Variants in CPED1 observed in about 807,000 individuals in gnomAD.
CPED1 encodes cadherin like and PC-esterase domain containing 1.
CPED1 carries 114 observed loss-of-function variants against 128.2 expected under a neutral mutation model. That is an observed-to-expected ratio of 0.89 (90% CI 0.76 to 1.04). The LOEUF (loss-of-function observed/expected upper bound fraction) is 1.04, where lower values mean the gene tolerates loss of function less well. CPED1 is among the 50% of genes least tolerant of loss of function. The pLI, the probability that CPED1 is intolerant of heterozygous loss-of-function variation, is 0.00. For missense variants in CPED1, 1,211 were observed against 1,207.1 expected (o/e 1.00, Z -0.05); for synonymous variants, 462 against 426.7 (o/e 1.08, Z -1.02).
chr7:121,125,560 G>A (rs1563035477), intron 8 of CPED1, among the ~76,000 whole-genome samples: 1 of 152,042 alleles, frequency 6.6e-6, no homozygotes, highest in African/African-American at 2.4e-5. Context: ...AACATGCAAC[G>A]TTTGGTTTTC....
intron 16 of CPED1, among the ~76,000 whole-genome samples, chr7:121,218,195 A>G (rs1014505374): frequency 3.4e-5 from 5 of 146,988 alleles, no homozygotes; most frequent in Admixed American, 1.4e-4. Context: ...GGGTTTTACC[A>G]TGTTGGCCAG....
intron 4 of CPED1, among the ~76,000 whole-genome samples, chr7:121,054,673 T>G (rs2721342): frequency 0.052 from 7,900 of 151,722 alleles, 408 homozygotes; most frequent in African/African-American, 0.12. Flanking sequence ...TGAGGTTTTT[T>G]TTTTTTAATT....
chr7:121,254,689 C>T (rs186108998), intron 18 of CPED1, among the ~76,000 whole-genome samples: 121 of 151,604 alleles, frequency 8.0e-4, no homozygotes, highest in East Asian at 3.9e-4. Flanking sequence ...AAAGAGAGAT[C>T]CAAATAAGTA....
chr7:121,247,278 C>G (rs989030425), intron 18 of CPED1, among the ~76,000 whole-genome samples: 2 of 152,116 alleles, frequency 1.3e-5, no homozygotes, highest in African/African-American at 2.4e-5. Flanking sequence ...AAGTAACAAA[C>G]AGTTAAGAGT....
At chr7:121,084,454 A>C (rs1794373596) in intron 5 of CPED1, among the ~76,000 whole-genome samples, 1 of 152,220 alleles carries the variant, frequency 6.6e-6, no homozygotes, top group African/African-American at 2.4e-5. Context: ...CATCTGTAGA[A>C]TCACCATGAA....
chr7:121,234,726 C>T (rs1360395702), intron 16 of CPED1, among the ~76,000 whole-genome samples: 1 of 151,646 alleles, frequency 6.6e-6, no homozygotes, highest in Non-Finnish European at 1.5e-5. Flanking sequence ...CTACCGTCAT[C>T]CAGATTTCCT....
chr7:121,223,451 T>C (rs772140286), intron 16 of CPED1, among the ~76,000 whole-genome samples: 5 of 152,218 alleles, frequency 3.3e-5, no homozygotes, highest in Admixed American at 6.5e-5. Flanking sequence ...GTCTTTGCTA[T>C]CAGGATGATG....
At chr7:121,133,796 C>G (rs776088721) in intron 12 of CPED1, 27 bp from the exon 13 acceptor site, 1 of 1,498,744 alleles carries the variant, frequency 6.7e-7, no homozygotes, top group Admixed American at 1.8e-5. Flanking sequence ...TTCATTAATC[C>G]AGAGTTGTTT....
Position 121,000,755 on chromosome 7 carries a change from G to A in CPED1, c.249+10885G>A, listed in dbSNP as rs191729598. On this transcript the variant is annotated intron_variant, in intron 2 of 22. Coordinates refer to ENST00000310396, the MANE Select transcript of CPED1 (RefSeq NM_024913.5). ...CAATCTCAAGCCTGTTAAGTATATT[G>A]AATAAGAAGCCTAGCAGATCATGGG... Among the ~76,000 whole-genome samples, 348 of 152,264 alleles carry A rather than the reference G, an allele frequency of 2.3e-3. 6 individuals are homozygous for A. Among genetic ancestry groups the A allele is most frequent in the Admixed American group, 0.023 (345 of 15,290 alleles).
chr7:121,007,939 T>C (rs984559149), intron 2 of CPED1, among the ~76,000 whole-genome samples: 8 of 151,492 alleles, frequency 5.3e-5, no homozygotes, highest in African/African-American at 1.9e-4. Context: ...ATCCCTCTTA[T>C]GGTTTAGTGA....
chr7:121,038,387 T>A (rs2116879866), intron 3 of CPED1, among the ~76,000 whole-genome samples: 1 of 152,244 alleles, frequency 6.6e-6, no homozygotes, highest in African/African-American at 2.4e-5. Flanking sequence ...TTTTAAAAAT[T>A]GGAATTTATT....
chr7:121,230,205 T>A (rs995151314), intron 16 of CPED1, among the ~76,000 whole-genome samples: 1 of 151,780 alleles, frequency 6.6e-6, no homozygotes, highest in Non-Finnish European at 1.5e-5. Context: ...TCCATTGAAA[T>A]CAAGAAAAAA....
intron 2 of CPED1, among the ~76,000 whole-genome samples, chr7:120,992,346 C>T (rs1437663877): frequency 6.6e-6 from 1 of 152,074 alleles, no homozygotes; most frequent in African/African-American, 2.4e-5. Flanking sequence ...CTTAAACCAG[C>T]TGATTTTGAC....
chr7:121,134,397 G>A (rs933858257), intron 13 of CPED1, among the ~76,000 whole-genome samples: 1 of 152,022 alleles, frequency 6.6e-6, no homozygotes, highest in African/African-American at 2.4e-5. Context: ...GAAGTAGAGA[G>A]GGTTTACCAG....
At chr7:121,100,995 ATTC>A (rs1406387524) in intron 7 of CPED1, among the ~76,000 whole-genome samples, 2 of 152,106 alleles carry the variant, frequency 1.3e-5, no homozygotes, top group Non-Finnish European at 2.9e-5. Context: ...AAGCTTACAT[ATTC>A]TTCTGTAAGT....
At chr7:121,033,342 T>C (rs1461392065) in intron 3 of CPED1, among the ~76,000 whole-genome samples, 1 of 152,188 alleles carries the variant, frequency 6.6e-6, no homozygotes, top group Non-Finnish European at 1.5e-5. Flanking sequence ...AAGCCTTAAA[T>C]AATAGGCTGG....
intron 3 of CPED1, among the ~76,000 whole-genome samples, chr7:121,029,986 T>C (rs1792689035): frequency 6.6e-6 from 1 of 152,216 alleles, no homozygotes; most frequent in Non-Finnish European, 1.5e-5. Flanking sequence ...CCTTGATGCA[T>C]AGTCTTCCTG....
intron 16 of CPED1, among the ~76,000 whole-genome samples, chr7:121,167,067 C>T (rs956595544): frequency 1.3e-4 from 20 of 152,224 alleles, no homozygotes; most frequent in Non-Finnish European, 2.6e-4. Flanking sequence ...AAGGTAAAAA[C>T]AGCTACACTC....
chr7:121,055,876 C>A (rs549444103), intron 4 of CPED1, among the ~76,000 whole-genome samples: 2 of 151,748 alleles, frequency 1.3e-5, no homozygotes, highest in South Asian at 2.1e-4. Flanking sequence ...AGGAAGAAAT[C>A]AAAAATAGAA....
Sources: allele counts gnomAD v4.1 joint callset (sites outside exome capture counted in the v4.1 genomes callset), GRCh38; gene constraint gnomAD v4.1.1; transcripts MANE v1.5; gene names NCBI Gene and HGNC (gene_info 2026-07-23, HGNC 2026-07-21).